NAALADL2: variants seen among roughly 807,000 people sequenced by gnomAD.
The protein encoded by NAALADL2 is N-acetylated alpha-linked acidic dipeptidase like 2.
Under a neutral mutation model 87.2 loss-of-function variants are expected in NAALADL2, and 76 were observed. The ratio of observed to expected loss-of-function variants is 0.87; its 90% CI spans 0.72 to 1.05. The LOEUF is 1.05. Among genes scored for constraint, NAALADL2 ranks in the 50% least tolerant of loss-of-function variants. The pLI is 0.00. For synonymous variants in NAALADL2, 354 were observed against 331.0 expected, an observed-to-expected ratio of 1.07 and a Z score of -0.75; for missense variants, 1,089 against 945.8, an observed-to-expected ratio of 1.15 and a Z score of -1.99.
At chr3:175,699,840 C>T (rs1738739940) in intron 11 of NAALADL2, among the ~76,000 whole-genome samples, 1 of 151,972 alleles carries the variant, frequency 6.6e-6, no homozygotes, top group Admixed American at 6.6e-5. Flanking sequence ...TGATAAATGC[C>T]AAATCCTTTA....
At position 174,445,349 on chromosome 3, in the gene NAALADL2, C is replaced by T. The variant is rs368193631; in HGVS notation, c.-184+4317C>T. Among the ~76,000 whole-genome samples, 150 of 152,122 alleles carry T rather than the reference C, an allele frequency of 9.9e-4. 1 individual carries two copies. In the South Asian group the frequency reaches 0.023, roughly 23 times the overall value. On this transcript the variant is annotated intron_variant, in intron 1 of 3. Transcript: ENST00000434257. ...AGGAGTACGTCTCATTAGTCTATTT[C>T]ATAATTCATACAAAAGATTAGGAGT...
chr3:175,138,251 T>C (rs980056558), intron 2 of NAALADL2, among the ~76,000 whole-genome samples: 3 of 152,168 alleles, frequency 2.0e-5, no homozygotes, highest in African/African-American at 7.2e-5. Context: ...TACAGAGATA[T>C]GTAGACTGAG....
intron 1 of NAALADL2, among the ~76,000 whole-genome samples, chr3:174,457,501 A>G (rs920613883): frequency 8.5e-5 from 13 of 152,200 alleles, no homozygotes; most frequent in African/African-American, 2.7e-4. Flanking sequence ...AATACTCACC[A>G]TGGAATACAA....
chr3:175,513,978 C>A (rs527606341), intron 9 of NAALADL2, among the ~76,000 whole-genome samples: 25 of 152,176 alleles, frequency 1.6e-4, no homozygotes, highest in Non-Finnish European at 3.2e-4. Flanking sequence ...AGTGAATCAA[C>A]CACAGGGCAA....
chr3:175,082,866 G>A (rs968547256), intron 1 of NAALADL2, among the ~76,000 whole-genome samples: 5 of 152,150 alleles, frequency 3.3e-5, no homozygotes, highest in Admixed American at 1.3e-4. Context: ...AGGCACTTCA[G>A]TCTCTACACA....
intron 6 of NAALADL2, among the ~76,000 whole-genome samples, chr3:175,462,882 T>G (rs996959799): frequency 2.6e-5 from 4 of 152,228 alleles, no homozygotes; most frequent in African/African-American, 4.8e-5. Context: ...TGAAAACATG[T>G]ACAGCTTTAA....
intron 8 of NAALADL2, 89 bp downstream of exon 8, chr3:175,467,273 A>C (rs1724213802): frequency 2.0e-6 from 2 of 975,908 alleles, no homozygotes; most frequent in Non-Finnish European, 3.1e-6. Flanking sequence ...CAAGGGCAAT[A>C]ATGTGCTTCT....
At chr3:175,423,266 AT>A (rs576694779) in intron 5 of NAALADL2, among the ~76,000 whole-genome samples, 66 of 112,194 alleles carry the variant, frequency 5.9e-4, no homozygotes, top group South Asian at 2.5e-3. Flanking sequence ...TTCAGAGTCC[AT>A]TTTTTTTTGT....
chr3:174,984,604 A>T (rs1255454563), intron 1 of NAALADL2, among the ~76,000 whole-genome samples: 1 of 152,194 alleles, frequency 6.6e-6, no homozygotes, highest in South Asian at 2.1e-4. Flanking sequence ...CAAAATTTGA[A>T]CACATCTGAA....
chr3:174,627,910 G>T (rs1721731459), intron 2 of NAALADL2, among the ~76,000 whole-genome samples: 1 of 152,146 alleles, frequency 6.6e-6, no homozygotes, highest in Non-Finnish European at 1.5e-5. Flanking sequence ...CACACAGAGT[G>T]GAATAATAAA....
At chr3:174,608,233 A>C (rs1373911766) in intron 2 of NAALADL2, among the ~76,000 whole-genome samples, 1 of 152,076 alleles carries the variant, frequency 6.6e-6, no homozygotes, top group Non-Finnish European at 1.5e-5. Flanking sequence ...CAAAATTGAC[A>C]CCCTAACATC....
chr3:174,938,556 G>C (rs1738057107), intron 1 of NAALADL2, among the ~76,000 whole-genome samples: 1 of 152,040 alleles, frequency 6.6e-6, no homozygotes, highest in African/African-American at 2.4e-5. Context: ...TGGGATTGCT[G>C]GGTCGAATGG....
chr3:175,466,307 A>G (rs958141143), intron 7 of NAALADL2, among the ~76,000 whole-genome samples: 2 of 152,206 alleles, frequency 1.3e-5, no homozygotes, highest in African/African-American at 4.8e-5. Flanking sequence ...CAGCCTTATT[A>G]TTGAAAATAT....
chr3:175,804,312 T>A lies in NAALADL2; in HGVS notation c.*1109T>A, dbSNP rs1214120703. ...TCCTTAATTGTGACTAAGATGGAAATCTAGAAAATATTCATGCTTCTAAGT... is the reference window on the plus strand; with the variant it reads ...TCCTTAATTGTGACTAAGATGGAAAACTAGAAAATATTCATGCTTCTAAGT... On this transcript the variant is annotated 3_prime_UTR_variant, in exon 14 of 14. Coordinates refer to ENST00000454872, the MANE Select transcript of NAALADL2 (RefSeq NM_207015.3). 2 of 151,880 alleles carry A rather than the reference T, an allele frequency of 1.3e-5. No homozygotes were observed. The highest frequency in any genetic ancestry group is 2.9e-5 in the Non-Finnish European group (2 of 67,828). The allele number at this position is 151,880 out of a possible 1,614,324, so 9.4% of individuals were successfully genotyped here. A position where few individuals can be genotyped will look rare whatever the true frequency, so the allele number is the denominator to read the frequency against.
chr3:174,672,641 A>G (rs996775920), intron 2 of NAALADL2, among the ~76,000 whole-genome samples: 8 of 152,116 alleles, frequency 5.3e-5, no homozygotes, highest in Middle Eastern at 3.2e-3. Context: ...GCACAGTTTT[A>G]TAGAAGATAG....
intron 2 of NAALADL2, among the ~76,000 whole-genome samples, chr3:174,575,100 C>T (rs920043171): frequency 3.3e-5 from 5 of 151,920 alleles, no homozygotes; most frequent in Non-Finnish European, 7.4e-5. Flanking sequence ...ATGGTTTTAA[C>T]AAAGTGATTG....
At chr3:175,298,054 G>C (rs771755618) in intron 4 of NAALADL2, among the ~76,000 whole-genome samples, 16 of 152,046 alleles carry the variant, frequency 1.1e-4, no homozygotes, top group Non-Finnish European at 1.9e-4. Context: ...CATGTTGAAT[G>C]ATAGTTGAAT....
At chr3:174,495,676 G>A (rs1471724666) in intron 1 of NAALADL2, among the ~76,000 whole-genome samples, 2 of 152,078 alleles carry the variant, frequency 1.3e-5, no homozygotes, top group African/African-American at 4.8e-5. Flanking sequence ...AGGTTCACAG[G>A]GGATACTGAA....
intron 1 of NAALADL2, among the ~76,000 whole-genome samples, chr3:175,013,301 A>ATATATTTTTTTTTTTT (rs1553916905): frequency 1.4e-5 from 1 of 72,066 alleles, no homozygotes; most frequent in Non-Finnish European, 2.4e-5. Context: ...ATATATATAT[A>ATATATTTTTTTTTTTT]TTTTTTTTTT....
Sources: gnomAD v4.1 joint callset for allele counts (sites outside exome capture counted in the v4.1 genomes callset) on GRCh38, gnomAD v4.1.1 for gene constraint, MANE v1.5 for transcripts, NCBI Gene and HGNC (gene_info 2026-07-23, HGNC 2026-07-21) for gene names.